The following PTPRT variants were observed in gnomAD, a reference collection of about 807,000 sequenced individuals.
The protein encoded by PTPRT is protein tyrosine phosphatase receptor type T.
PTPRT carries 56 observed loss-of-function variants against 176.8 expected under a neutral mutation model. That is an observed-to-expected ratio of 0.32 (90% CI 0.26 to 0.40). The LOEUF (loss-of-function observed/expected upper bound fraction) is 0.40, where lower values mean the gene tolerates loss of function less well. Ranked by LOEUF, PTPRT falls within the 10% of genes least tolerant of loss-of-function variation. The pLI is 1.00. For missense variants in PTPRT, 1,540 were observed against 1,908.2 expected (o/e 0.81, Z 3.60); for synonymous variants, 783 against 739.0 (o/e 1.06, Z -0.96).
In PTPRT at chr20:42,652,053, A is replaced by G. The variant is rs762288932; in HGVS notation, c.1153+25813T>C. On this transcript the variant is annotated intron_variant, in intron 7 of 30. Coordinates refer to ENST00000373187, the MANE Select transcript of PTPRT (RefSeq NM_007050.6). ...ACAGAGCGAGACTCCACCTCAAAAA[A>G]ACAAAAACAAAAACAAACAAAAAAA... 9.9e-5 allele frequency among the ~76,000 whole-genome samples: 15 copies of G among 150,928 alleles called. No homozygotes were observed. In the South Asian group the frequency reaches 1.2e-3, roughly 13 times the overall value.
chr20:42,669,308 G>T (rs1008561269), intron 7 of PTPRT, among the ~76,000 whole-genome samples: 1 of 152,110 alleles, frequency 6.6e-6, no homozygotes, highest in Non-Finnish European at 1.5e-5. Context: ...ATGCATGAAA[G>T]TCCCCTCCTT....
At chr20:42,409,604 G>A (rs548937245) in intron 9 of PTPRT, among the ~76,000 whole-genome samples, 2 of 151,942 alleles carry the variant, frequency 1.3e-5, no homozygotes, top group East Asian at 3.9e-4. Context: ...TATTTGAAAG[G>A]TGGAGCAGTC....
chr20:42,408,082 C>G (rs2058978441), intron 9 of PTPRT, among the ~76,000 whole-genome samples: 1 of 151,992 alleles, frequency 6.6e-6, no homozygotes, highest in South Asian at 2.1e-4. Context: ...TTCCCAAAAC[C>G]AATACGTTGA....
intron 1 of PTPRT, among the ~76,000 whole-genome samples, chr20:42,922,925 T>C (rs1434941633): frequency 6.6e-6 from 1 of 152,142 alleles, no homozygotes; most frequent in Non-Finnish European, 1.5e-5. Flanking sequence ...CAGGAAAATC[T>C]TCCCTGACCA....
chr20:42,685,877 C>T (rs1175200397), intron 6 of PTPRT: 2 of 152,106 alleles, frequency 1.3e-5, no homozygotes, highest in African/African-American at 2.4e-5. Flanking sequence ...GATGTGACCT[C>T]TCTTGCAGTT....
At chr20:42,845,543 A>G (rs1447797221) in intron 2 of PTPRT, among the ~76,000 whole-genome samples, 1 of 152,156 alleles carries the variant, frequency 6.6e-6, no homozygotes, top group African/African-American at 2.4e-5. Context: ...AGTACTTAAA[A>G]AAGTCTGGAA....
At chr20:42,312,567 C>T (rs1188130955) in intron 12 of PTPRT, among the ~76,000 whole-genome samples, 1 of 152,134 alleles carries the variant, frequency 6.6e-6, no homozygotes, top group Non-Finnish European at 1.5e-5. Context: ...GTGCCCAGCT[C>T]CCATTGCTTT....
At chr20:42,942,923 T>A (rs1980659145) in intron 1 of PTPRT, among the ~76,000 whole-genome samples, 1 of 152,228 alleles carries the variant, frequency 6.6e-6, no homozygotes, top group Non-Finnish European at 1.5e-5. Flanking sequence ...ATTGAATTAA[T>A]AAAGAAAAGC....
At chr20:42,869,852 GC>G (rs1568648181) in intron 2 of PTPRT, among the ~76,000 whole-genome samples, 1 of 152,192 alleles carries the variant, frequency 6.6e-6, no homozygotes, top group Non-Finnish European at 1.5e-5. Context: ...ACGAGTTGGG[GC>G]CTTTAGAAGA....
intron 1 of PTPRT, among the ~76,000 whole-genome samples, chr20:42,962,961 G>A (rs1207396329): frequency 1.3e-5 from 2 of 152,150 alleles, no homozygotes; most frequent in Non-Finnish European, 2.9e-5. Flanking sequence ...CACTTTGGGA[G>A]GCTGAGGCGG....
chr20:42,065,522 C>A, the PTPRT span, among the ~76,000 whole-genome samples: 1 of 152,256 alleles, frequency 6.6e-6, no homozygotes, highest in African/African-American at 2.4e-5. Flanking sequence ...CCAAGAGTAA[C>A]TATACTCCGT....
At position 42,778,449 on chromosome 20, in the gene PTPRT, A is replaced by G. The variant is rs148072326; in HGVS notation, c.568+1769T>C. Among the ~76,000 whole-genome samples, 552 of 152,264 alleles carry G rather than the reference A, an allele frequency of 3.6e-3. 3 individuals are homozygous for G. Among genetic ancestry groups the G allele is most frequent in the African/African-American group, 0.013 (528 of 41,548 alleles). On this transcript the variant is annotated intron_variant, in intron 4 of 30. Coordinates refer to ENST00000373187, the MANE Select transcript of PTPRT (RefSeq NM_007050.6). ...TTTCCCTTGGGAAAAGCCAGCTGTC[A>G]CCTACTAGAAAGCTAAAGTCCAAGC... is the stretch of plus-strand genomic sequence containing the variant.
intron 16 of PTPRT, among the ~76,000 whole-genome samples, chr20:42,198,280 A>G (rs1014160038): frequency 8.5e-5 from 13 of 152,208 alleles, no homozygotes; most frequent in Non-Finnish European, 1.6e-4. Flanking sequence ...TGAGGATGAG[A>G]GACAGTGTCT....
intron 6 of PTPRT, among the ~76,000 whole-genome samples, chr20:42,697,745 G>A (rs1339253885): frequency 1.3e-5 from 2 of 152,218 alleles, no homozygotes; most frequent in African/African-American, 4.8e-5. Flanking sequence ...AATAAAATGA[G>A]AAGTGAATTT....
intron 7 of PTPRT, among the ~76,000 whole-genome samples, chr20:42,525,385 C>T (rs2072250875): frequency 6.6e-6 from 1 of 152,082 alleles, no homozygotes; most frequent in Admixed American, 6.6e-5. Context: ...CAGGGTGGAG[C>T]CTTTGTTCTA....
intron 7 of PTPRT, among the ~76,000 whole-genome samples, chr20:42,520,812 T>TAC: frequency 6.8e-6 from 1 of 146,608 alleles, no homozygotes; most frequent in South Asian, 2.3e-4. Context: ...CATATATATA[T>TAC]ATATATATAT....
At chr20:42,632,112 G>A (rs141153798) in intron 7 of PTPRT, among the ~76,000 whole-genome samples, 6 of 152,140 alleles carry the variant, frequency 3.9e-5, no homozygotes, top group Non-Finnish European at 8.8e-5. Flanking sequence ...CAAAGCTCAG[G>A]TGAGCTTCCT....
Position 42,763,334 on chromosome 20 carries a change from G to C in PTPRT, c.685-6698C>G, listed in dbSNP as rs181561663. ...AATTGGCAGAAGTGGAAACAGTACT[G>C]TCTTTAATAAAAGGAAACCATTTCT... is the stretch of plus-strand genomic sequence containing the variant. On this transcript the variant is annotated intron_variant, in intron 5 of 30. Transcript: ENST00000373187. Among the ~76,000 whole-genome samples the C allele has an allele frequency of 9.1e-4, 138 of 152,290 alleles. 1 individual carries two copies. The highest frequency in any genetic ancestry group is 6.8e-3 in the Middle Eastern group (2 of 294).
chr20:42,973,468 T>G (rs1219020166), intron 1 of PTPRT, among the ~76,000 whole-genome samples: 1 of 152,162 alleles, frequency 6.6e-6, no homozygotes, highest in Admixed American at 6.5e-5. Context: ...TGTGTGTGTG[T>G]GTGTGCATCA....
Sources: allele counts gnomAD v4.1 joint callset (sites outside exome capture counted in the v4.1 genomes callset), GRCh38; gene constraint gnomAD v4.1.1; transcripts MANE v1.5; gene names NCBI Gene and HGNC (gene_info 2026-07-23, HGNC 2026-07-21).